RGS7: variants seen among roughly 807,000 people sequenced by gnomAD.
RGS7 encodes the protein regulator of G protein signaling 7.
RGS7 carries 27 observed loss-of-function variants against 81.1 expected under a neutral mutation model. The ratio of observed to expected loss-of-function variants is 0.33; its 90% confidence interval spans 0.25 to 0.46. The LOEUF is 0.46. Ranked by LOEUF, RGS7 falls within the 20% of genes least tolerant of loss-of-function variation. RGS7 has a pLI of 1.00. For missense variants in RGS7, 396 were observed against 607.4 expected, an observed-to-expected ratio of 0.65 and a Z score of 3.66; for synonymous variants, 208 against 207.7, an observed-to-expected ratio of 1.00 and a Z score of -0.01.
At chr1:241,203,651 C>T (rs1278499941) in intron 2 of RGS7, among the ~76,000 whole-genome samples, 1 of 152,170 alleles carries the variant, frequency 6.6e-6, no homozygotes, top group African/African-American at 2.4e-5. Context: ...AAGTAAGATC[C>T]TATGGCTTGA....
chr1:241,100,459 C>T (rs765300427), intron 2 of RGS7, among the ~76,000 whole-genome samples: 18 of 151,056 alleles, frequency 1.2e-4, no homozygotes, highest in Middle Eastern at 3.5e-3. Context: ...TTGGTATCAA[C>T]GGATGTATTA....
chr1:240,796,559 GC>G (rs1330122732), intron 18 of RGS7, among the ~76,000 whole-genome samples: 1 of 152,114 alleles, frequency 6.6e-6, no homozygotes, highest in Non-Finnish European at 1.5e-5. Flanking sequence ...GTTGGCGGGT[GC>G]CTGTAGTCCC....
chr1:240,952,235 T>G (rs540701936), intron 4 of RGS7, among the ~76,000 whole-genome samples: 78 of 152,210 alleles, frequency 5.1e-4, no homozygotes, highest in African/African-American at 1.4e-3. Context: ...AAACAAAATC[T>G]CTTATTTTTC....
At chr1:241,157,377 AT>A (rs2069246874) in intron 2 of RGS7, among the ~76,000 whole-genome samples, 1 of 152,180 alleles carries the variant, frequency 6.6e-6, no homozygotes, top group Admixed American at 6.5e-5. Context: ...AACCTTTGGA[AT>A]AGGCAAGGGG....
At chr1:241,217,664 A>AC (rs1288200047) in intron 2 of RGS7, among the ~76,000 whole-genome samples, 2 of 152,206 alleles carry the variant, frequency 1.3e-5, no homozygotes, top group Admixed American at 6.5e-5. Context: ...ACTGGCAAAA[A>AC]TCAAGGTTCT....
At chr1:241,239,259 G>A (rs1028794441) in intron 2 of RGS7, among the ~76,000 whole-genome samples, 2 of 151,974 alleles carry the variant, frequency 1.3e-5, no homozygotes, top group East Asian at 1.9e-4. Context: ...GAGCCACCGC[G>A]CCCGGCCATC....
At chr1:240,940,657 G>A (rs1485731029) in intron 4 of RGS7, among the ~76,000 whole-genome samples, 1 of 152,188 alleles carries the variant, frequency 6.6e-6, no homozygotes, top group African/African-American at 2.4e-5. Flanking sequence ...AAGATAGACA[G>A]TAAGAGGAGC....
intron 2 of RGS7, among the ~76,000 whole-genome samples, chr1:241,321,125 T>C (rs2081183164): frequency 6.6e-6 from 1 of 152,206 alleles, no homozygotes; most frequent in African/African-American, 2.4e-5. Context: ...TGTGAAAGTA[T>C]TATTTCCCAA....
At chr1:241,265,166 G>T (rs2077521707) in intron 2 of RGS7, among the ~76,000 whole-genome samples, 1 of 152,314 alleles carries the variant, frequency 6.6e-6, no homozygotes, top group African/African-American at 2.4e-5. Flanking sequence ...TGCAGCCTTT[G>T]TGTGGCTGTT....
At chr1:241,023,385 C>T (rs549041) in intron 3 of RGS7, among the ~76,000 whole-genome samples, 70,263 of 151,996 alleles carry the variant, frequency 0.46, 16,774 homozygotes, top group Middle Eastern at 0.56. Context: ...CAGCACTGTC[C>T]TTCTCAAGGA....
chr1:240,860,855 A>G (rs1255513952), intron 9 of RGS7, among the ~76,000 whole-genome samples: 2 of 152,114 alleles, frequency 1.3e-5, no homozygotes, highest in African/African-American at 2.4e-5. Flanking sequence ...GTCTACAACT[A>G]TTGACAAGAT....
chr1:240,836,445 T>G (rs1163360355), intron 9 of RGS7, among the ~76,000 whole-genome samples: 1 of 152,278 alleles, frequency 6.6e-6, no homozygotes, highest in Non-Finnish European at 1.5e-5. Context: ...GTGAAGTGGT[T>G]GCATCTGGGA....
intron 6 of RGS7, 28 bp downstream of exon 6, chr1:240,930,689 T>C: frequency 6.2e-7 from 1 of 1,607,114 alleles, no homozygotes; most frequent in Admixed American, 1.7e-5. Flanking sequence ...AGGCTGTCAA[T>C]AATAAAATAA....
chr1:240,899,799 G>A (rs529715306), intron 6 of RGS7, among the ~76,000 whole-genome samples: 40 of 152,164 alleles, frequency 2.6e-4, no homozygotes, highest in Admixed American at 6.5e-4. Context: ...TCTTTGTGGC[G>A]TTCTCTGTAT....
chr1:240,957,212 G>A (rs905716479), intron 4 of RGS7, among the ~76,000 whole-genome samples: 12 of 152,128 alleles, frequency 7.9e-5, no homozygotes, highest in African/African-American at 1.9e-4. Flanking sequence ...TGAGTCTTCC[G>A]GCCTCCATCT....
intron 3 of RGS7, among the ~76,000 whole-genome samples, chr1:241,063,945 A>T (rs1436188240): frequency 1.3e-5 from 2 of 152,164 alleles, no homozygotes; most frequent in Admixed American, 6.5e-5. Flanking sequence ...GCACTTTGGG[A>T]GGCCAAGGTG....
intron 13 of RGS7, among the ~76,000 whole-genome samples, chr1:240,812,505 G>A (rs112346025): frequency 6.6e-5 from 10 of 150,616 alleles, no homozygotes; most frequent in African/African-American, 2.2e-4. Context: ...CGTGATCTCG[G>A]CTCACTGCAA....
At chr1:241,068,106 T>C (rs1244426524) in intron 3 of RGS7, among the ~76,000 whole-genome samples, 16 of 151,166 alleles carry the variant, frequency 1.1e-4, no homozygotes, top group Admixed American at 9.3e-4. Flanking sequence ...ACAAGCACCC[T>C]AGCAGTCAGA....
intron 3 of RGS7, among the ~76,000 whole-genome samples, chr1:241,047,258 G>A (rs2060982597): frequency 1.3e-5 from 2 of 152,174 alleles, no homozygotes; most frequent in South Asian, 4.1e-4. Context: ...AACATAGGAT[G>A]CTCCCATGGT....
Sources: allele counts gnomAD v4.1 joint callset (sites outside exome capture counted in the v4.1 genomes callset), GRCh38; gene constraint gnomAD v4.1.1; transcripts MANE v1.5; gene names NCBI Gene and HGNC (gene_info 2026-07-23, HGNC 2026-07-21).